The following MAD1L1 variants were observed in gnomAD, a reference collection of about 807,000 sequenced individuals.
The protein encoded by MAD1L1 is mitotic spindle assembly checkpoint protein MAD1.
In MAD1L1, 95 loss-of-function variants were observed where a neutral mutation model predicts 96.9. The ratio of observed to expected loss-of-function variants is 0.98; its 90% CI spans 0.83 to 1.16. MAD1L1 has a LOEUF of 1.16. MAD1L1 is among the 50% of genes most tolerant of loss of function. The pLI is 0.00. For synonymous variants in MAD1L1, 473 were observed against 396.6 expected (o/e 1.19, Z -2.29); for missense variants, 1,007 against 954.4 (o/e 1.06, Z -0.73).
At chr7:2,090,342 C>T (rs1425290999) in intron 11 of MAD1L1, among the ~76,000 whole-genome samples, 1 of 152,200 alleles carries the variant, frequency 6.6e-6, no homozygotes, top group East Asian at 1.9e-4. Context: ...GTCCTGAACA[C>T]TTCAAAACCT....
rs1787535777 is a variant in MAD1L1 at position 2,114,171 on chromosome 7, T to C, written c.1073+34981A>G. Among the ~76,000 whole-genome samples, 1 of 152,256 alleles carries C rather than the reference T, an allele frequency of 6.6e-6. No individual in the cohort carries two copies. The highest frequency in any genetic ancestry group is 6.5e-5 in the Admixed American group (1 of 15,284). Reference sequence around the variant, plus strand: ...TTCTCCACGACTTCTGCAACTTTCCTGTCAGTGTAACATTATGTCAAAATG... The same window carrying C: ...TTCTCCACGACTTCTGCAACTTTCCCGTCAGTGTAACATTATGTCAAAATG... On this transcript the variant is annotated intron_variant, in intron 11 of 18. Coordinates refer to ENST00000265854, the MANE Select transcript of MAD1L1 (RefSeq NM_001013836.2). The surrounding 1 kb of genome is among the most constrained non-coding windows in gnomAD (Gnocchi z 4.2).
intron 11 of MAD1L1, among the ~76,000 whole-genome samples, chr7:2,083,268 G>A (rs1785744124): frequency 6.6e-6 from 1 of 152,224 alleles, no homozygotes; most frequent in East Asian, 1.9e-4. Context: ...TGAGTCACCC[G>A]GCAGCTCATT....
chr7:2,200,862 A>G (rs952082979), intron 10 of MAD1L1, among the ~76,000 whole-genome samples: 3 of 152,178 alleles, frequency 2.0e-5, no homozygotes, highest in African/African-American at 7.2e-5. Flanking sequence ...CCAGGTGACC[A>G]CACCAGTGAG....
intron 10 of MAD1L1, among the ~76,000 whole-genome samples, chr7:2,178,876 G>A (rs1230287010): frequency 2.1e-5 from 3 of 145,284 alleles, no homozygotes; most frequent in African/African-American, 7.7e-5. Flanking sequence ...CAGCCTAGGC[G>A]ACACAGAGTC....
At chr7:1,938,744 ACG>A (rs1274214601) in intron 16 of MAD1L1, among the ~76,000 whole-genome samples, 1 of 53,624 alleles carries the variant, frequency 1.9e-5, no homozygotes, top group African/African-American at 6.4e-5. Flanking sequence ...AGAGGCGCGC[ACG>A]CACACACACA....
At chr7:1,906,928 C>A (rs1438553350) in intron 17 of MAD1L1, among the ~76,000 whole-genome samples, 1 of 152,244 alleles carries the variant, frequency 6.6e-6, no homozygotes, top group Non-Finnish European at 1.5e-5. Flanking sequence ...CCCTGAACAC[C>A]CGTGTTCATC....
At chr7:2,059,612 G>A (rs1374940662) in intron 12 of MAD1L1, among the ~76,000 whole-genome samples, 7 of 147,622 alleles carry the variant, frequency 4.7e-5, no homozygotes, top group African/African-American at 7.5e-5. Flanking sequence ...GTGGGGAAGC[G>A]TGGCCAGGGG....
At chr7:1,947,861 G>C (rs753725198) in intron 16 of MAD1L1, among the ~76,000 whole-genome samples, 2 of 152,204 alleles carry the variant, frequency 1.3e-5, no homozygotes, top group Admixed American at 1.3e-4. Flanking sequence ...ACCTGTCGCC[G>C]AGGGGCCTGC....
chr7:2,130,166 C>T (rs1788444679), intron 11 of MAD1L1, among the ~76,000 whole-genome samples: 1 of 152,260 alleles, frequency 6.6e-6, no homozygotes, highest in South Asian at 2.1e-4. Flanking sequence ...CTGCCTTCGG[C>T]CCGCAGCAGG....
intron 11 of MAD1L1, among the ~76,000 whole-genome samples, chr7:2,078,014 T>C (rs550714194): frequency 2.0e-5 from 3 of 152,276 alleles, no homozygotes; most frequent in South Asian, 4.1e-4. Context: ...ACACTGAGCA[T>C]GTTCAGGCAT....
intron 10 of MAD1L1, among the ~76,000 whole-genome samples, chr7:2,196,282 G>A (rs562094717): frequency 8.5e-5 from 13 of 152,344 alleles, no homozygotes; most frequent in African/African-American, 3.1e-4. Flanking sequence ...CATCCTGCCA[G>A]CAAAGTGAAG....
At chr7:2,113,350 TG>T (rs1787483154) in intron 11 of MAD1L1, among the ~76,000 whole-genome samples, 1 of 152,098 alleles carries the variant, frequency 6.6e-6, no homozygotes, top group Non-Finnish European at 1.5e-5. Context: ...GAGGCTGAGG[TG>T]GGTGGATCAC....
chr7:2,009,832 G>A (rs980361028), intron 13 of MAD1L1, among the ~76,000 whole-genome samples: 1 of 152,210 alleles, frequency 6.6e-6, no homozygotes, highest in African/African-American at 2.4e-5. Flanking sequence ...GTCAGCTCCT[G>A]TGCTGGGCAG....
intron 11 of MAD1L1, among the ~76,000 whole-genome samples, chr7:2,101,924 C>T (rs552643753): frequency 3.9e-5 from 6 of 152,296 alleles, no homozygotes; most frequent in East Asian, 3.9e-4. Flanking sequence ...CCAGTGCACA[C>T]AGGGGGCTCT....
chr7:2,058,638 C>A (rs1242323245), intron 12 of MAD1L1, among the ~76,000 whole-genome samples: 5 of 45,066 alleles, frequency 1.1e-4, no homozygotes, highest in East Asian at 6.5e-4. Flanking sequence ...AGGGGAGAGG[C>A]GCAGGGCTGG....
chr7:1,826,518 G>T (rs1338716266), intron 18 of MAD1L1, among the ~76,000 whole-genome samples: 2 of 152,202 alleles, frequency 1.3e-5, no homozygotes, highest in Non-Finnish European at 2.9e-5. Flanking sequence ...AGAGGTCCAG[G>T]TTTGACCCCA....
chr7:1,931,463 G>A (rs969836323), intron 17 of MAD1L1, among the ~76,000 whole-genome samples: 6 of 152,216 alleles, frequency 3.9e-5, no homozygotes, highest in Non-Finnish European at 7.3e-5. Context: ...AGGGAACAGC[G>A]GTCTCCACAC....
chr7:1,996,567 C>G (rs1201587421), intron 14 of MAD1L1, among the ~76,000 whole-genome samples: 1 of 152,210 alleles, frequency 6.6e-6, no homozygotes, highest in African/African-American at 2.4e-5. Flanking sequence ...TGCCGCTAGG[C>G]CCGACTCAGA....
At chr7:2,126,085 G>A (rs1457548326) in intron 11 of MAD1L1, among the ~76,000 whole-genome samples, 2 of 152,174 alleles carry the variant, frequency 1.3e-5, no homozygotes, top group Non-Finnish European at 2.9e-5. Context: ...ACAGACCCAG[G>A]CTTCGGTCCT....
Sources: gnomAD v4.1 joint callset for allele counts (sites outside exome capture counted in the v4.1 genomes callset) on GRCh38, gnomAD v4.1.1 for gene constraint, Gnocchi (gnomAD v3.1) non-coding constraint, MANE v1.5 for transcripts, NCBI Gene and HGNC (gene_info 2026-07-23, HGNC 2026-07-21) for gene names.